TNKS: variants seen among roughly 807,000 people sequenced by gnomAD.
The protein encoded by TNKS is tankyrase.
TNKS carries 72 observed loss-of-function variants against 135.8 expected under a neutral mutation model. The ratio of observed to expected loss-of-function variants is 0.53; its 90% confidence interval spans 0.44 to 0.64. TNKS has a LOEUF of 0.64. Ranked by LOEUF, TNKS falls within the 30% of genes least tolerant of loss-of-function variation. The pLI is 0.00. For missense variants in TNKS, 1,769 were observed against 1,674.0 expected, an observed-to-expected ratio of 1.06 and a Z score of -0.99; for synonymous variants, 849 against 649.3, an observed-to-expected ratio of 1.31 and a Z score of -4.68.
intron 3 of TNKS, among the ~76,000 whole-genome samples, chr8:9,661,084 G>C (rs1044881206): frequency 1.3e-5 from 2 of 151,952 alleles, no homozygotes; most frequent in Admixed American, 6.6e-5. Flanking sequence ...AAATAAAAGA[G>C]GATACAAACA....
intron 3 of TNKS, among the ~76,000 whole-genome samples, chr8:9,644,972 A>G (rs188958531): frequency 1.3e-5 from 2 of 152,308 alleles, no homozygotes; most frequent in East Asian, 3.9e-4. Flanking sequence ...CTGAGCATGT[A>G]AAGGTAGACT....
chr8:9,595,845 A>T lies in TNKS; in HGVS notation c.898+15462A>T, dbSNP rs144675790. Among the ~76,000 whole-genome samples the T allele has an allele frequency of 1.9e-3, 290 of 152,248 alleles. 2 individuals carry two copies. The highest frequency in any genetic ancestry group is 6.5e-3 in the African/African-American group (268 of 41,526). The stretch of plus-strand genomic sequence containing the variant: ...TCTATGGGTTAGGTTAGGTGCAGTG[A>T]CTCATACCTCTAATCTTGGCACTTT... On this transcript the variant is annotated intron_variant, in intron 2 of 26. Transcript: ENST00000310430.
At chr8:9,583,946 C>G (rs574332137) in intron 2 of TNKS, among the ~76,000 whole-genome samples, 1 of 151,504 alleles carries the variant, frequency 6.6e-6, no homozygotes, top group East Asian at 2.0e-4. Flanking sequence ...GGGTGGATCA[C>G]GAGGTCAGGA....
intron 5 of TNKS, among the ~76,000 whole-genome samples, chr8:9,681,956 C>T (rs76292026): frequency 3.3e-4 from 50 of 152,200 alleles, no homozygotes; most frequent in Non-Finnish European, 4.7e-4. Context: ...GAGACTTCTA[C>T]TTTCATAGAA....
At chr8:9,715,836 G>A (rs548815551) in intron 11 of TNKS, among the ~76,000 whole-genome samples, 39 of 152,018 alleles carry the variant, frequency 2.6e-4, no homozygotes, top group Non-Finnish European at 4.9e-4. Flanking sequence ...TGCTTTTTGG[G>A]AGTACTATAA....
In TNKS at chr8:9,571,089, C is replaced by T. The variant is rs150048422; in HGVS notation, c.674-9070C>T. Among the ~76,000 whole-genome samples, 238 of 152,296 alleles carry T rather than the reference C, an allele frequency of 1.6e-3. 1 individual carries two copies. Among genetic ancestry groups the T allele is most frequent in the African/African-American group, 5.4e-3 (223 of 41,546 alleles). On this transcript the variant is annotated intron_variant, in intron 1 of 26. Coordinates refer to ENST00000310430, the MANE Select transcript of TNKS (RefSeq NM_003747.3). ...TGATGTCCAGTTACTGTGATTCATT[C>T]ATTGTACTATGTTTAACCTTTTCCT... is the stretch of plus-strand genomic sequence containing the variant.
At chr8:9,556,993 T>G in intron 1 of TNKS, 1 of 365,572 alleles carries the variant, frequency 2.7e-6, no homozygotes, top group Non-Finnish European at 4.9e-6. Context: ...GGGTATGTCC[T>G]TTGAGGACAG....
At chr8:9,770,289 C>G (rs776547317) in intron 26 of TNKS, 27 bp downstream of exon 26, 23 of 1,591,960 alleles carry the variant, frequency 1.4e-5, no homozygotes, top group Non-Finnish European at 1.9e-5. Context: ...ACAAGCATAA[C>G]CAAGTTCACA....
At chr8:9,720,793 A>C (rs1804838396) in intron 12 of TNKS, among the ~76,000 whole-genome samples, 1 of 152,150 alleles carries the variant, frequency 6.6e-6, no homozygotes, top group African/African-American at 2.4e-5. Flanking sequence ...GTTCTGATCA[A>C]AGGTGACTTA....
chr8:9,559,030 A>G (rs1352734169), intron 1 of TNKS, among the ~76,000 whole-genome samples: 1 of 152,202 alleles, frequency 6.6e-6, no homozygotes, highest in Non-Finnish European at 1.5e-5. Flanking sequence ...GGATGGAAAA[A>G]TTTAAAAACT....
rs189451987 is a variant in TNKS at position 9,743,912 on chromosome 8, A to G, written c.2644-4112A>G. Among the ~76,000 whole-genome samples the G allele has an allele frequency of 1.4e-4, 21 of 152,302 alleles. 1 individual carries two copies. Among genetic ancestry groups the G allele is most frequent in the Admixed American group, 8.5e-4 (13 of 15,300 alleles). On this transcript the variant is annotated intron_variant, in intron 17 of 26. Transcript: ENST00000310430. The stretch of plus-strand genomic sequence containing the variant: ...GTGTTAAATAAACACAGATTAATTG[A>G]CTAGGCTGAGGATGAAATAATAATC...
At chr8:9,656,119 G>A (rs1801353611) in intron 3 of TNKS, among the ~76,000 whole-genome samples, 2 of 152,276 alleles carry the variant, frequency 1.3e-5, no homozygotes, top group South Asian at 2.1e-4. Context: ...TAGCCAATGC[G>A]ATCAACTGGA....
intron 1 of TNKS, among the ~76,000 whole-genome samples, chr8:9,571,441 G>C (rs1451311420): frequency 6.6e-6 from 1 of 152,156 alleles, no homozygotes; most frequent in Non-Finnish European, 1.5e-5. Flanking sequence ...TTCTGGGGCA[G>C]AAAGTTAGTT....
At chr8:9,729,475 T>G (rs1348984968) in intron 13 of TNKS, among the ~76,000 whole-genome samples, 1 of 152,218 alleles carries the variant, frequency 6.6e-6, no homozygotes, top group Non-Finnish European at 1.5e-5. Context: ...CTGCTTCATT[T>G]GCTTTTTCTG....
rs534371434 is a variant in TNKS, at chr8:9,709,541, G to C, written c.1579-414G>C. Among the ~76,000 whole-genome samples the C allele has an allele frequency of 2.0e-5, 3 of 152,154 alleles. No homozygotes were observed. The East Asian group carries it at 5.8e-4, about 29-fold the overall frequency. On this transcript the variant is annotated intron_variant, in intron 9 of 26. Transcript: ENST00000310430. ...ATCCTTGGGCATATAAACGTCTCCT[G>C]TAGTGCTGGGAGTACCTCTGTAGAA...
At chr8:9,563,724 G>T (rs1043907583) in intron 1 of TNKS, among the ~76,000 whole-genome samples, 3 of 151,660 alleles carry the variant, frequency 2.0e-5, no homozygotes, top group African/African-American at 7.3e-5. Flanking sequence ...TATCATTCTC[G>T]TATTCTCTTT....
chr8:9,602,128 T>G (rs980348143), intron 2 of TNKS, among the ~76,000 whole-genome samples: 1 of 151,812 alleles, frequency 6.6e-6, no homozygotes, highest in African/African-American at 2.4e-5. Flanking sequence ...CTGTTAAACA[T>G]AACACACAGG....
intron 3 of TNKS, among the ~76,000 whole-genome samples, chr8:9,656,616 T>TC (rs1483675944): frequency 6.7e-6 from 1 of 149,500 alleles, no homozygotes; most frequent in Non-Finnish European, 1.5e-5. Flanking sequence ...ATTTTCTTTT[T>TC]TTTTTTTTTT....
rs1804158277 is a variant in TNKS at position 9,708,437 on chromosome 8, C to G, written c.1523C>G (p.Thr508Arg). The change falls in exon 9 of 27, where the codon ACA (threonine) becomes AGA (arginine). Residue 508 changes from threonine (T) to arginine (R), a missense_variant. Thr to Arg is a moderately conservative substitution (Grantham distance 71). Around this residue, in one of 5 missense-constraint regions of TNKS, gnomAD observed 523 missense variants for 541.0 expected, o/e 0.97. Transcript: ENST00000310430. Reference protein sequence around the residue: ...READLAKVKKTLALEIINFKQ... With the variant: ...READLAKVKKRLALEIINFKQ... Reference sequence around the variant, plus strand: ...GCAGACTTAGCTAAAGTTAAAAAAACACTCGCTCTGGAAATCATTAATTTC... The same window carrying G: ...GCAGACTTAGCTAAAGTTAAAAAAAGACTCGCTCTGGAAATCATTAATTTC... 1 of 1,609,978 alleles carries G rather than the reference C, an allele frequency of 6.2e-7. No individual in the cohort carries two copies. Among genetic ancestry groups the G allele is most frequent in the Non-Finnish European group, 8.5e-7 (1 of 1,177,944 alleles).
Sources: allele counts gnomAD v4.1 joint callset (sites outside exome capture counted in the v4.1 genomes callset), GRCh38; gene constraint gnomAD v4.1.1; regional missense constraint gnomAD v4.1.1; transcripts MANE v1.5; gene names NCBI Gene and HGNC (gene_info 2026-07-23, HGNC 2026-07-21).